TTC29: variants seen among roughly 807,000 people sequenced by gnomAD.
TTC29 encodes the protein tetratricopeptide repeat domain 29, also known as tetratricopeptide repeat protein 29.
A neutral mutation model predicts 58.1 loss-of-function variants in TTC29; 49 were observed. That is an observed-to-expected ratio of 0.84 (90% CI 0.67 to 1.07). The LOEUF is 1.07. Ranked by LOEUF, TTC29 falls within the 50% of genes least tolerant of loss-of-function variation. The pLI, the probability that TTC29 is intolerant of heterozygous loss-of-function variation, is 0.00. For missense variants in TTC29, 582 were observed against 555.6 expected (o/e 1.05, Z -0.48); for synonymous variants, 209 against 196.8 (o/e 1.06, Z -0.52).
At chr4:146,767,258 G>T (rs1367133674) in intron 11 of TTC29, among the ~76,000 whole-genome samples, 1 of 151,738 alleles carries the variant, frequency 6.6e-6, no homozygotes, top group Non-Finnish European at 1.5e-5. Context: ...TGGTTCACTG[G>T]GGTCAAATTG....
intron 9 of TTC29, among the ~76,000 whole-genome samples, chr4:146,821,687 C>CA (rs1226043481): frequency 6.6e-6 from 1 of 152,152 alleles, no homozygotes; most frequent in Non-Finnish European, 1.5e-5. Flanking sequence ...GAAAGCTAAG[C>CA]ATCCAGGTAA....
intron 10 of TTC29, among the ~76,000 whole-genome samples, chr4:146,807,488 G>A (rs1750696902): frequency 6.6e-6 from 1 of 152,070 alleles, no homozygotes; most frequent in South Asian, 2.1e-4. Context: ...CAGATAGAAT[G>A]CTAGCCAGAA....
At chr4:146,807,604 A>G (rs1579720969) in intron 10 of TTC29, among the ~76,000 whole-genome samples, 1 of 152,160 alleles carries the variant, frequency 6.6e-6, no homozygotes, top group African/African-American at 2.4e-5. Flanking sequence ...AGAGAATACT[A>G]TAAATACCTC....
intron 6 of TTC29, among the ~76,000 whole-genome samples, chr4:146,877,029 C>A (rs1230799349): frequency 6.6e-6 from 1 of 150,820 alleles, no homozygotes; most frequent in African/African-American, 2.4e-5. Context: ...AAGATACATA[C>A]AGAAGGGGCA....
At chr4:146,845,862 A>G (rs1729134453) in intron 8 of TTC29, among the ~76,000 whole-genome samples, 1 of 151,902 alleles carries the variant, frequency 6.6e-6, no homozygotes, top group Non-Finnish European at 1.5e-5. Flanking sequence ...GTGCTATTCT[A>G]GCACTCACCA....
At chr4:146,892,210 T>C (rs1732416066) in intron 6 of TTC29, among the ~76,000 whole-genome samples, 1 of 152,068 alleles carries the variant, frequency 6.6e-6, no homozygotes, top group Admixed American at 6.6e-5. Flanking sequence ...ATTCTCTCTC[T>C]CCTGCTCTAC....
intron 11 of TTC29, among the ~76,000 whole-genome samples, chr4:146,711,949 A>G (rs1742525171): frequency 6.6e-6 from 1 of 152,132 alleles, no homozygotes; most frequent in South Asian, 2.1e-4. Flanking sequence ...TTTGGGGGAA[A>G]TGTGTATATG....
At chr4:146,717,774 A>G (rs1670064469) in intron 11 of TTC29, among the ~76,000 whole-genome samples, 1 of 152,070 alleles carries the variant, frequency 6.6e-6, no homozygotes, top group African/African-American at 2.4e-5. Context: ...CGTCTTAGAG[A>G]TTCTGAAATG....
chr4:146,922,012 C>A (rs1490078397), intron 4 of TTC29, among the ~76,000 whole-genome samples: 113 of 107,304 alleles, frequency 1.1e-3, no homozygotes, highest in African/African-American at 1.6e-3. Flanking sequence ...GGATCCCCTA[C>A]AAAAAAAAAA....
chr4:146,718,578 A>G (rs1362862723), intron 11 of TTC29, among the ~76,000 whole-genome samples: 4 of 152,074 alleles, frequency 2.6e-5, no homozygotes, highest in Admixed American at 2.6e-4. Flanking sequence ...CTTTCTGTAG[A>G]GTTGTTTGAG....
In TTC29 at chr4:146,708,092, C is replaced by T. The variant is rs1561046441; in HGVS notation, c.1331-541G>A. On this transcript the variant is annotated intron_variant, in intron 11 of 12. Coordinates refer to ENST00000325106, the MANE Select transcript of TTC29 (RefSeq NM_031956.4). ...CTGCCTTTGACCCTTCAAACCAGCC[C>T]ATCTGTCAGCTGAATACTACTTAGT... is the stretch of plus-strand genomic sequence containing the variant. 2.0e-5 allele frequency among the ~76,000 whole-genome samples: 3 copies of T among 151,764 alleles called. No homozygotes were observed. In the South Asian group the frequency reaches 6.2e-4, roughly 31 times the overall value.
At chr4:146,801,162 G>A (rs191072377) in intron 11 of TTC29, among the ~76,000 whole-genome samples, 291 of 152,246 alleles carry the variant, frequency 1.9e-3, no homozygotes, top group African/African-American at 6.8e-3. Flanking sequence ...CAGGCAGTGG[G>A]GAGCCGAGGA....
intron 11 of TTC29, among the ~76,000 whole-genome samples, chr4:146,792,055 A>T (rs1749496060): frequency 6.6e-6 from 1 of 152,210 alleles, no homozygotes; most frequent in African/African-American, 2.4e-5. Flanking sequence ...GAAACAACAA[A>T]TGCTAATGGA....
chr4:146,824,536 C>T (rs1727629684), intron 9 of TTC29, among the ~76,000 whole-genome samples: 1 of 148,974 alleles, frequency 6.7e-6, no homozygotes, highest in Non-Finnish European at 1.5e-5. Context: ...CATTGATGTT[C>T]ATCGGGGATA....
intron 5 of TTC29, among the ~76,000 whole-genome samples, chr4:146,908,067 C>CA (rs2150281210): frequency 6.6e-6 from 1 of 152,222 alleles, no homozygotes; most frequent in East Asian, 1.9e-4. Flanking sequence ...TTGGCTCCAA[C>CA]ATATAGAGAC....
intron 11 of TTC29, among the ~76,000 whole-genome samples, chr4:146,759,901 C>A (rs1397218660): frequency 6.6e-6 from 1 of 152,084 alleles, no homozygotes; most frequent in Non-Finnish European, 1.5e-5. Flanking sequence ...ACTCTCACCA[C>A]TCCTCTTCCA....
At chr4:146,814,045 A>G (rs1053169796) in intron 10 of TTC29, among the ~76,000 whole-genome samples, 26 of 152,200 alleles carry the variant, frequency 1.7e-4, no homozygotes, top group African/African-American at 5.3e-4. Context: ...GTGAGAGAAT[A>G]CTACTCTTAA....
chr4:146,923,204 G>T (rs1734706465), intron 4 of TTC29, among the ~76,000 whole-genome samples: 1 of 151,670 alleles, frequency 6.6e-6, no homozygotes, highest in African/African-American at 2.4e-5. Flanking sequence ...TTTTTAATTT[G>T]CCCTCACTTT....
chr4:146,766,389 C>G (rs1747323479), intron 11 of TTC29, among the ~76,000 whole-genome samples: 2 of 152,062 alleles, frequency 1.3e-5, no homozygotes, highest in Admixed American at 1.3e-4. Context: ...TTCTCTACTT[C>G]TACACCAATT....
Sources: allele counts gnomAD v4.1 joint callset (sites outside exome capture counted in the v4.1 genomes callset), GRCh38; gene constraint gnomAD v4.1.1; transcripts MANE v1.5; gene names NCBI Gene and HGNC (gene_info 2026-07-23, HGNC 2026-07-21).